The following ZMAT3 variants were observed in gnomAD, a reference collection of about 807,000 sequenced individuals.
The protein encoded by ZMAT3 is zinc finger matrin-type 3.
ZMAT3 carries 17 observed loss-of-function variants against 32.3 expected under a neutral mutation model. That is an observed-to-expected ratio of 0.53 (90% CI 0.36 to 0.79). The LOEUF is 0.79. Among genes scored for constraint, ZMAT3 ranks in the 30% least tolerant of loss-of-function variants. ZMAT3 has a pLI of 0.00. For synonymous variants in ZMAT3, 120 were observed against 133.1 expected (o/e 0.90, Z 0.68); for missense variants, 329 against 359.7 (o/e 0.91, Z 0.69).
chr3:179,033,521 G>GAAAGA (rs199514059), intron 2 of ZMAT3, among the ~76,000 whole-genome samples: 2 of 126,858 alleles, frequency 1.6e-5, no homozygotes, highest in African/African-American at 2.9e-5. Flanking sequence ...AAAAAGGAAA[G>GAAAGA]AAAGAAAAGA....
chr3:179,032,415 G>T (rs9830482), intron 2 of ZMAT3, among the ~76,000 whole-genome samples: 25 of 152,018 alleles, frequency 1.6e-4, no homozygotes, highest in African/African-American at 6.0e-4. Context: ...GCCTCTGCCC[G>T]GCCGCCACCC....
rs142970138 is a variant in ZMAT3, at chr3:179,065,311, A to C, written c.270+2172T>G. Among the ~76,000 whole-genome samples, 854 of 152,244 alleles carry C rather than the reference A, an allele frequency of 5.6e-3. 11 individuals carry two copies. Among genetic ancestry groups the C allele is most frequent in the African/African-American group, 0.02 (825 of 41,556 alleles). On this transcript the variant is annotated intron_variant, in intron 2 of 5. Coordinates refer to ENST00000311417, the MANE Select transcript of ZMAT3 (RefSeq NM_022470.4). ...GTATTTCCCTTTTCTTATATTTTCTAATTTATTTATTCACTGTATCACTGA... is the reference window on the plus strand; with the variant it reads ...GTATTTCCCTTTTCTTATATTTTCTCATTTATTTATTCACTGTATCACTGA...
intron 2 of ZMAT3, among the ~76,000 whole-genome samples, chr3:179,034,368 A>G (rs1351249160): frequency 1.3e-5 from 2 of 152,230 alleles, no homozygotes; most frequent in Non-Finnish European, 2.9e-5. Flanking sequence ...CTGGAACTCA[A>G]AGTAGCATGA....
Position 179,032,834 on chromosome 3 carries a change from G to A in ZMAT3, c.271-1835C>T, listed in dbSNP as rs561823940. Among the ~76,000 whole-genome samples the A allele has an allele frequency of 2.4e-3, 369 of 151,398 alleles. 2 individuals carry two copies. The highest frequency in any genetic ancestry group is 0.01 in the Middle Eastern group (3 of 286). On this transcript the variant is annotated intron_variant, in intron 2 of 5. Coordinates refer to ENST00000311417, the MANE Select transcript of ZMAT3 (RefSeq NM_022470.4). ...CCACCCCATCTGGGAAGTGAGGAGC[G>A]TCTCCGCCCGGCAGCCACCCCATCC...
intron 1 of ZMAT3, among the ~76,000 whole-genome samples, chr3:179,068,572 TC>T (rs915238130): frequency 6.6e-6 from 1 of 151,380 alleles, no homozygotes; most frequent in African/African-American, 2.4e-5. Flanking sequence ...CCAACCAATA[TC>T]AAAAAGAGTG....
intron 2 of ZMAT3, among the ~76,000 whole-genome samples, chr3:179,047,732 G>A (rs868005596): frequency 1.3e-5 from 2 of 151,422 alleles, no homozygotes; most frequent in Non-Finnish European, 1.5e-5. Flanking sequence ...GGTGGTGCTC[G>A]CCTATAGTCT....
chr3:179,032,236 G>T (rs576954769), intron 2 of ZMAT3, among the ~76,000 whole-genome samples: 1 of 151,710 alleles, frequency 6.6e-6, no homozygotes, highest in Non-Finnish European at 1.5e-5. Context: ...GCTCCTGACC[G>T]CGAGTGATCT....
At chr3:179,070,365 C>A (rs1456842915) in intron 1 of ZMAT3, among the ~76,000 whole-genome samples, 1 of 152,164 alleles carries the variant, frequency 6.6e-6, no homozygotes, top group Non-Finnish European at 1.5e-5. Flanking sequence ...AAAATTCTTG[C>A]CAAACACAGA....
At chr3:179,051,348 C>A (rs1176053094) in intron 2 of ZMAT3, among the ~76,000 whole-genome samples, 6 of 152,096 alleles carry the variant, frequency 3.9e-5, no homozygotes, top group Non-Finnish European at 5.9e-5. Context: ...CCACTATACA[C>A]CAACAGCTAC....
chr3:179,031,968 TC>T (rs1560085671), intron 2 of ZMAT3, among the ~76,000 whole-genome samples: 1 of 3,584 alleles, frequency 2.8e-4, no homozygotes, highest in African/African-American at 6.9e-4. Flanking sequence ...CCCCTCCTCC[TC>T]CCCCTCCCCC....
chr3:179,040,152 C>T (rs1345744923), intron 2 of ZMAT3, among the ~76,000 whole-genome samples: 2 of 152,192 alleles, frequency 1.3e-5, no homozygotes, highest in Admixed American at 1.3e-4. Context: ...AGTTGGAAAA[C>T]ACTCTTCAGG....
chr3:179,045,875 G>A (rs910610836), intron 2 of ZMAT3, among the ~76,000 whole-genome samples: 7 of 152,262 alleles, frequency 4.6e-5, no homozygotes, highest in Non-Finnish European at 1.0e-4. Flanking sequence ...AAAAGCTGCT[G>A]TGAATAAAGT....
At chr3:179,029,296 G>C (rs1263479744) in intron 3 of ZMAT3, among the ~76,000 whole-genome samples, 2 of 152,036 alleles carry the variant, frequency 1.3e-5, no homozygotes, top group Non-Finnish European at 2.9e-5. Flanking sequence ...ACACCAATTT[G>C]AGTAATATGG....
At chr3:179,035,993 T>A (rs984234183) in intron 2 of ZMAT3, among the ~76,000 whole-genome samples, 1 of 152,138 alleles carries the variant, frequency 6.6e-6, no homozygotes, top group Admixed American at 6.5e-5. Flanking sequence ...GAGATAACGG[T>A]CTTCTAGATC....
rs953389255 is a variant in ZMAT3 at position 179,033,312 on chromosome 3, C to A, written c.271-2313G>T. 2.6e-5 allele frequency among the ~76,000 whole-genome samples: 4 copies of A among 152,244 alleles called. No homozygotes were observed. The East Asian group carries it at 5.8e-4, about 22-fold the overall frequency. On this transcript the variant is annotated intron_variant, in intron 2 of 5. Transcript: ENST00000311417. Reference sequence around the variant, plus strand: ...GCATACTCGTTAAGAGTCATCACCACTCCCTAATCTCAAGTACCCAGAGAC... The same window carrying A: ...GCATACTCGTTAAGAGTCATCACCAATCCCTAATCTCAAGTACCCAGAGAC...
rs1214256377 is a variant in ZMAT3, at chr3:179,071,726, C to T, written c.-189G>A. 2 of 152,798 alleles carry T rather than the reference C, an allele frequency of 1.3e-5. No homozygotes were observed. The highest frequency in any genetic ancestry group is 1.9e-4 in the East Asian group (1 of 5,218). The allele number at this position is 152,798 out of a possible 1,614,324, so 9.5% of individuals were successfully genotyped here. ...CGGAGCAACTTTCTCCGCCGGCCGC[C>T]GCCGAGCCCCCTCCGCAGCCGAAGG... On this transcript the variant is annotated 5_prime_UTR_variant, in exon 1 of 6. Coordinates refer to ENST00000311417, the MANE Select transcript of ZMAT3 (RefSeq NM_022470.4).
At chr3:179,060,756 A>G (rs1721112815) in intron 2 of ZMAT3, among the ~76,000 whole-genome samples, 1 of 152,214 alleles carries the variant, frequency 6.6e-6, no homozygotes, top group African/African-American at 2.4e-5. Flanking sequence ...GGGGAAAACT[A>G]GACACAACCA....
chr3:179,027,960 C>T (rs969561328), intron 3 of ZMAT3, 148 bp from the exon 4 acceptor site: 2 of 826,310 alleles, frequency 2.4e-6, no homozygotes, highest in African/African-American at 1.7e-5. Flanking sequence ...TAATTCAATC[C>T]AGGAAAACAA....
intron 2 of ZMAT3, among the ~76,000 whole-genome samples, chr3:179,041,858 G>A (rs572911355): frequency 6.6e-6 from 1 of 152,112 alleles, no homozygotes; most frequent in African/African-American, 2.4e-5. Flanking sequence ...AAGAAGAAAA[G>A]AGAGAAGAAT....
Sources: allele counts gnomAD v4.1 joint callset (sites outside exome capture counted in the v4.1 genomes callset), GRCh38; gene constraint gnomAD v4.1.1; transcripts MANE v1.5; gene names NCBI Gene and HGNC (gene_info 2026-07-23, HGNC 2026-07-21).